Variants in TTC17 observed in about 807,000 individuals in gnomAD.
The protein encoded by TTC17 is tetratricopeptide repeat protein 17.
TTC17 carries 58 observed loss-of-function variants against 143.8 expected under a neutral mutation model. The ratio of observed to expected loss-of-function variants is 0.40; its 90% CI spans 0.33 to 0.50. TTC17 has a LOEUF of 0.50. TTC17 is among the 20% of genes least tolerant of loss of function. The probability of loss-of-function intolerance (pLI) is 0.49; values close to 1 mark genes in which losing one functional copy is unlikely to be tolerated. For synonymous variants in TTC17, 501 were observed against 497.8 expected (o/e 1.01, Z -0.09); for missense variants, 1,273 against 1,392.5 (o/e 0.91, Z 1.37).
At chr11:43,420,757 A>G (rs1257885113) in intron 16 of TTC17, among the ~76,000 whole-genome samples, 2 of 152,136 alleles carry the variant, frequency 1.3e-5, no homozygotes, top group Non-Finnish European at 2.9e-5. Context: ...TTGGTTTTTA[A>G]TGTGAATTTT....
intron 19 of TTC17, 105 bp downstream of exon 19, chr11:43,448,227 T>C: frequency 6.8e-7 from 1 of 1,470,866 alleles, no homozygotes; most frequent in Non-Finnish European, 9.1e-7. Flanking sequence ...TTATCCTTTC[T>C]AGAGCTGAAT....
At chr11:43,394,674 A>G (rs181856123) in intron 5 of TTC17, among the ~76,000 whole-genome samples, 202 of 152,334 alleles carry the variant, frequency 1.3e-3, no homozygotes, top group Non-Finnish European at 2.5e-3. Flanking sequence ...TTAAATTCGA[A>G]ATACCTATAT....
At chr11:43,490,458 G>T in intron 22 of TTC17, 100 bp downstream of exon 22, 1 of 1,459,136 alleles carries the variant, frequency 6.9e-7, no homozygotes, top group South Asian at 1.5e-5. Context: ...TGCTCAGCCA[G>T]TGAGGACATA....
intron 21 of TTC17, among the ~76,000 whole-genome samples, chr11:43,462,726 A>T (rs1947891525): frequency 6.6e-6 from 1 of 152,214 alleles, no homozygotes; most frequent in South Asian, 2.1e-4. Context: ...TATGCACCAA[A>T]GAACATAATC....
chr11:43,374,300 A>G (rs1856681330), intron 1 of TTC17, among the ~76,000 whole-genome samples: 1 of 152,208 alleles, frequency 6.6e-6, no homozygotes, highest in Non-Finnish European at 1.5e-5. Context: ...CTTAAATGTA[A>G]GAAATAAAAC....
chr11:43,390,565 AAGATG>A (rs879847596), intron 3 of TTC17, among the ~76,000 whole-genome samples: 5,772 of 151,886 alleles, frequency 0.038, 153 homozygotes, highest in South Asian at 0.11. Flanking sequence ...GCAGTGAGCC[AAGATG>A]GCACCACTGC....
intron 21 of TTC17, among the ~76,000 whole-genome samples, chr11:43,452,356 C>G (rs185363196): frequency 6.6e-6 from 1 of 152,018 alleles, no homozygotes; most frequent in African/African-American, 2.4e-5. Flanking sequence ...AAAAATCAGC[C>G]GGGTGCGGTG....
At chr11:43,485,288 C>T (rs554742549) in intron 21 of TTC17, among the ~76,000 whole-genome samples, 1 of 152,048 alleles carries the variant, frequency 6.6e-6, no homozygotes, top group African/African-American at 2.4e-5. Flanking sequence ...AGGGACTATT[C>T]AGGAACTGTA....
rs762961767 is a variant in TTC17, at chr11:43,397,985, A to G, written c.930A>G (p.Glu310=). 2 of 1,612,830 alleles carry G rather than the reference A, an allele frequency of 1.2e-6. No individual in the cohort carries two copies. The highest frequency in any genetic ancestry group is 3.3e-5 in the Admixed American group (2 of 59,830). Residue 310 remains glutamate, a synonymous_variant, in exon 8 of 24, where the codon GAA becomes GAG. Coordinates refer to ENST00000039989, the MANE Select transcript of TTC17 (RefSeq NM_018259.6). ...TTTTGTCTCTTCAGATGCTTGGGGA[A>G]TATAACCACTCAGTGCTCTGTTATG... ...TLGNIYAMLG[E]YNHSVLCYDH...
chr11:43,492,655 C>T (rs891017991), intron 23 of TTC17, among the ~76,000 whole-genome samples: 8 of 152,228 alleles, frequency 5.3e-5, no homozygotes, highest in African/African-American at 1.9e-4. Flanking sequence ...CTCTTCACCT[C>T]CCTGTTCCCA....
intron 15 of TTC17, among the ~76,000 whole-genome samples, chr11:43,413,022 A>ACG (rs1036388386): frequency 1.4e-5 from 2 of 144,244 alleles, no homozygotes; most frequent in African/African-American, 5.0e-5. Context: ...ACACACACAC[A>ACG]CACACAAATG....
chr11:43,435,077 T>TGATTGATA (rs1554995266), intron 16 of TTC17: 7 of 144,394 alleles, frequency 4.8e-5, no homozygotes, highest in African/African-American at 1.3e-4. Context: ...ACAGATAAGA[T>TGATTGATA]GATAGATAGA....
chr11:43,433,288 C>T (rs1205911306), intron 16 of TTC17, among the ~76,000 whole-genome samples: 5 of 152,170 alleles, frequency 3.3e-5, no homozygotes, highest in African/African-American at 4.8e-5. Context: ...CGTGAGCCAC[C>T]GCGCCTGGCC....
chr11:43,360,313 T>C (rs536368931), intron 1 of TTC17, among the ~76,000 whole-genome samples: 1 of 152,358 alleles, frequency 6.6e-6, no homozygotes, highest in Non-Finnish European at 1.5e-5. Context: ...GTTTTCTATA[T>C]GACATACATA....
chr11:43,490,308 GCAAT>G lies in TTC17; in HGVS notation c.3102_3105del (p.Ile1035ThrfsTer14). On this transcript the variant is annotated frameshift_variant, in exon 22 of 24. Coordinates refer to ENST00000039989, the MANE Select transcript of TTC17 (RefSeq NM_018259.6). LOFTEE classifies it high-confidence loss of function. ...GAGGGTGAAAGGCCAAGGAAAGAAG[GCAAT>G]CGACTGCCTCCGCCAGGCTCTGCAC... 1 of 1,612,770 alleles carries G rather than the reference GCAAT, an allele frequency of 6.2e-7. No homozygotes were observed. The highest frequency in any genetic ancestry group is 8.5e-7 in the Non-Finnish European group (1 of 1,179,276).
intron 21 of TTC17, chr11:43,466,655 G>C (rs1947979326): frequency 5.7e-6 from 2 of 353,404 alleles, no homozygotes; most frequent in African/African-American, 4.3e-5. Context: ...TTATTGTGAA[G>C]CATACAGGTC....
At position 43,487,692 on chromosome 11, in the gene TTC17, G is replaced by A. The variant is rs570635881; in HGVS notation, c.3031-2547G>A. 2.8e-4 allele frequency among the ~76,000 whole-genome samples: 42 copies of A among 152,352 alleles called. 1 individual carries two copies. Among genetic ancestry groups the A allele is most frequent in the African/African-American group, 1.0e-3 (42 of 41,586 alleles). ...TCAACATATATGAGTGTATTAGTTT[G>A]CTAGGGCCACTAGAACAAAATGCCA... On this transcript the variant is annotated intron_variant, in intron 21 of 23. Coordinates refer to ENST00000039989, the MANE Select transcript of TTC17 (RefSeq NM_018259.6).
At chr11:43,478,843 G>T (rs1948234060) in intron 21 of TTC17, among the ~76,000 whole-genome samples, 1 of 152,106 alleles carries the variant, frequency 6.6e-6, no homozygotes, top group Non-Finnish European at 1.5e-5. Flanking sequence ...GCCCAGACTG[G>T]TCTCAAACTC....
chr11:43,469,006 A>G (rs1948037288), intron 21 of TTC17, among the ~76,000 whole-genome samples: 1 of 152,274 alleles, frequency 6.6e-6, no homozygotes, highest in African/African-American at 2.4e-5. Flanking sequence ...CAAAATATAT[A>G]AAGAACTACA....
Sources: allele counts gnomAD v4.1 joint callset (sites outside exome capture counted in the v4.1 genomes callset), GRCh38; gene constraint gnomAD v4.1.1; transcripts MANE v1.5; gene names NCBI Gene and HGNC (gene_info 2026-07-23, HGNC 2026-07-21).